CRYBG3: variants seen among roughly 807,000 people sequenced by gnomAD.
The protein encoded by CRYBG3 is crystallin beta-gamma domain containing 3.
Under a neutral mutation model 244.2 loss-of-function variants are expected in CRYBG3, and 127 were observed. The ratio of observed to expected loss-of-function variants is 0.52; its 90% CI spans 0.45 to 0.60. The LOEUF (loss-of-function observed/expected upper bound fraction) is 0.60, where lower values mean the gene tolerates loss of function less well. Among genes scored for constraint, CRYBG3 ranks in the 20% least tolerant of loss-of-function variants. The pLI is 0.00. For missense variants in CRYBG3, 3,325 were observed against 3,442.5 expected (o/e 0.97, Z 0.85); for synonymous variants, 1,132 against 1,195.8 (o/e 0.95, Z 1.10).
chr3:97,943,530 A>G lies in CRYBG3; in HGVS notation c.*216A>G, dbSNP rs2040280342. ...TCAGTGTTCCTATAAAGAAAATATT[A>G]TGATATCTTGGAAAGGTTCTATTCC... On this transcript the variant is annotated 3_prime_UTR_variant, in exon 22 of 22. Transcript: ENST00000389622. 2.0e-6 allele frequency: 1 copy of G among 501,118 alleles called. No homozygotes were observed. Among genetic ancestry groups the G allele is most frequent in the East Asian group, 3.8e-5 (1 of 26,172 alleles). 31.0% of individuals were successfully genotyped at this position (501,118 alleles called of 1,614,324 possible).
Position 97,942,424 on chromosome 3 carries a change from A to G in CRYBG3, c.8805A>G (p.Gln2935=), listed in dbSNP as rs1395551127. 3 of 1,610,738 alleles carry G rather than the reference A, an allele frequency of 1.9e-6. No homozygotes were observed. The highest frequency in any genetic ancestry group is 1.3e-5 in the African/African-American group (1 of 74,750). The change falls in exon 21 of 22, where the codon CAA becomes CAG. Residue 2935 remains glutamine (Q), a synonymous_variant. Coordinates refer to ENST00000389622, the MANE Select transcript of CRYBG3 (RefSeq NM_153605.4). ...NGTISSYLSD[Q]LVLDVKGGNY... ...CTATCAGCTCTTATCTCAGTGATCA[A>G]CTTGTCCTTGATGTTAAAGGTGGGC... is the stretch of plus-strand genomic sequence containing the variant.
At chr3:97,895,708 A>G (rs1412245562) in intron 11 of CRYBG3, among the ~76,000 whole-genome samples, 1 of 152,220 alleles carries the variant, frequency 6.6e-6, no homozygotes, top group African/African-American at 2.4e-5. Context: ...TCACACCACA[A>G]ACATTTAAAA....
At chr3:97,832,552 G>A (rs921875408) in intron 1 of CRYBG3, among the ~76,000 whole-genome samples, 18 of 151,846 alleles carry the variant, frequency 1.2e-4, no homozygotes, top group African/African-American at 3.6e-4. Context: ...TCCTTACACT[G>A]TGTACAAAAA....
chr3:97,907,244 A>G (rs1425432721), intron 15 of CRYBG3, among the ~76,000 whole-genome samples: 2 of 152,254 alleles, frequency 1.3e-5, no homozygotes, highest in East Asian at 3.9e-4. Flanking sequence ...TTGGTATCAG[A>G]ATGATGCTGC....
In CRYBG3 at chr3:97,875,285, C is replaced by T. The variant is rs2039357475; in HGVS notation, c.4091C>T (p.Pro1364Leu). Residue 1364 changes from proline to leucine, a missense_variant, in exon 4 of 22, where the codon CCA becomes CTA. Coordinates refer to ENST00000389622, the MANE Select transcript of CRYBG3 (RefSeq NM_153605.4). ...AGAGAGTTCTTGGTTTCAGAACAGC[C>T]AGTAAATCAAAGCACACAAATTAGT... ...VVREFLVSEQ[P>L]VNQSTQISEN... 1 of 1,460,054 alleles carries T rather than the reference C, an allele frequency of 6.8e-7. No individual in the cohort carries two copies. The highest frequency in any genetic ancestry group is 9.0e-7 in the Non-Finnish European group (1 of 1,114,732). The allele number at this position is 1,460,054 out of a possible 1,614,324, so 90.4% of individuals were successfully genotyped here. A position where few individuals can be genotyped will look rare whatever the true frequency, so the allele number is the denominator to read the frequency against.
At chr3:97,931,890 C>T (rs936412645) in intron 17 of CRYBG3, among the ~76,000 whole-genome samples, 2 of 151,908 alleles carry the variant, frequency 1.3e-5, no homozygotes, top group African/African-American at 2.4e-5. Context: ...GTACTGATGC[C>T]GTTACTTCCA....
In CRYBG3 at chr3:97,874,416, A is replaced by G; in HGVS notation, c.3222A>G (p.Val1074=). ...SSYPEEVSMI[V]NSHKPQNNLD... ...ACCCTGAAGAAGTTAGCATGATAGTAAATTCACATAAGCCCCAAAATAATT... is the reference window on the plus strand; with the variant it reads ...ACCCTGAAGAAGTTAGCATGATAGTGAATTCACATAAGCCCCAAAATAATT... The change falls in exon 4 of 22, where the codon GTA becomes GTG. Residue 1074 remains valine, a synonymous_variant. Coordinates refer to ENST00000389622, the MANE Select transcript of CRYBG3 (RefSeq NM_153605.4). The G allele has an allele frequency of 6.5e-7, 1 of 1,534,964 alleles. No homozygotes were observed. The highest frequency in any genetic ancestry group is 8.7e-7 in the Non-Finnish European group (1 of 1,146,558).
At chr3:97,917,996 T>C (rs768848749) in intron 17 of CRYBG3, among the ~76,000 whole-genome samples, 1 of 152,160 alleles carries the variant, frequency 6.6e-6, no homozygotes, top group Non-Finnish European at 1.5e-5. Context: ...TTGATATGCC[T>C]TTTTTCGTAG....
chr3:97,902,680 C>T (rs1349820267), intron 15 of CRYBG3, among the ~76,000 whole-genome samples: 1 of 152,012 alleles, frequency 6.6e-6, no homozygotes, highest in Non-Finnish European at 1.5e-5. Flanking sequence ...ATGTTCAACT[C>T]CCATTTATGA....
chr3:97,900,461 T>C lies in CRYBG3; in HGVS notation c.7980T>C (p.Leu2660=). ...TTTAATATGTTTTTCAGGAACCACTTGGGATAAATGAACCTCCGCATTTGG... is the reference window on the plus strand; with the variant it reads ...TTTAATATGTTTTTCAGGAACCACTCGGGATAAATGAACCTCCGCATTTGG... ...MSIRPIQLEP[L]GINEPPHLLK... The change falls in exon 15 of 22, where the codon CTT becomes CTC. Residue 2660 remains leucine (L), a synonymous_variant. Transcript: ENST00000389622. 6.4e-7 allele frequency: 1 copy of C among 1,555,128 alleles called. No individual in the cohort carries two copies. Among genetic ancestry groups the C allele is most frequent in the Non-Finnish European group, 8.9e-7 (1 of 1,128,444 alleles).
Position 97,877,925 on chromosome 3 carries a change from C to T in CRYBG3, c.6731C>T (p.Ser2244Phe). The T allele has an allele frequency of 1.9e-6, 3 of 1,614,084 alleles. No individual in the cohort carries two copies. The highest frequency in any genetic ancestry group is 2.5e-6 in the Non-Finnish European group (3 of 1,179,974). The change falls in exon 4 of 22, where the codon TCC (serine) becomes TTC (phenylalanine). Residue 2244 changes from serine (S) to phenylalanine (F), a missense_variant. Transcript: ENST00000389622. ...KSAYHQYLQT[S>F]QSHSSEKGAR... ...GCTTATCATCAGTATCTGCAGACTT[C>T]CCAAAGTCATTCCTCAGAAAAAGGA...
At chr3:97,837,355 G>C (rs2038748911) in intron 1 of CRYBG3, among the ~76,000 whole-genome samples, 1 of 152,088 alleles carries the variant, frequency 6.6e-6, no homozygotes, top group Non-Finnish European at 1.5e-5. Flanking sequence ...GCCTAATGAA[G>C]CTGAGGTAGA....
chr3:97,879,886 T>C, intron 5 of CRYBG3, 99 bp from the exon 6 acceptor site: 2 of 910,914 alleles, frequency 2.2e-6, no homozygotes, highest in East Asian at 5.2e-5. Context: ...TTTTGTATAT[T>C]TAGGATATTT....
chr3:97,835,593 T>C (rs1052925298), intron 1 of CRYBG3, among the ~76,000 whole-genome samples: 1 of 152,128 alleles, frequency 6.6e-6, no homozygotes, highest in African/African-American at 2.4e-5. Flanking sequence ...AATGATGAGT[T>C]TACTTTTGGA....
At chr3:97,827,803 T>C (rs1350074180) in intron 1 of CRYBG3, among the ~76,000 whole-genome samples, 1 of 152,146 alleles carries the variant, frequency 6.6e-6, no homozygotes, top group Non-Finnish European at 1.5e-5. Flanking sequence ...ACAATATTGG[T>C]AGTAGAGTCA....
intron 17 of CRYBG3, among the ~76,000 whole-genome samples, chr3:97,917,365 A>C (rs2039939583): frequency 6.6e-6 from 1 of 152,112 alleles, no homozygotes; most frequent in African/African-American, 2.4e-5. Flanking sequence ...AGTACTTGAA[A>C]TCTATAGACT....
intron 17 of CRYBG3, among the ~76,000 whole-genome samples, chr3:97,925,424 TG>T (rs2040028718): frequency 6.6e-6 from 1 of 151,884 alleles, no homozygotes; most frequent in Non-Finnish European, 1.5e-5. Flanking sequence ...ATTACAATGG[TG>T]GGGGGAATAA....
intron 6 of CRYBG3, among the ~76,000 whole-genome samples, chr3:97,880,752 T>C (rs774449852): frequency 6.6e-5 from 10 of 152,234 alleles, no homozygotes; most frequent in South Asian, 2.1e-4. Context: ...GTTGCACTAT[T>C]GTTTTTTATG....
At chr3:97,823,103 A>G (rs2038529198) in intron 1 of CRYBG3, among the ~76,000 whole-genome samples, 1 of 152,174 alleles carries the variant, frequency 6.6e-6, no homozygotes, top group Non-Finnish European at 1.5e-5. Context: ...TAATATTTTT[A>G]TCTTTCCTTC....
Sources: allele counts gnomAD v4.1 joint callset (sites outside exome capture counted in the v4.1 genomes callset), GRCh38; gene constraint gnomAD v4.1.1; transcripts MANE v1.5; gene names NCBI Gene and HGNC (gene_info 2026-07-23, HGNC 2026-07-21).